Variants in KIFC1 observed in about 807,000 individuals in gnomAD.
KIFC1 encodes the protein kinesin family member C1, also known as kinesin-like protein KIFC1.
KIFC1 carries 37 observed loss-of-function variants against 66.6 expected under a neutral mutation model. That is an observed-to-expected ratio of 0.56 (90% confidence interval 0.43 to 0.73). The LOEUF is 0.73. Ranked by LOEUF, KIFC1 falls within the 30% of genes least tolerant of loss-of-function variation. The pLI is 0.00. For missense variants in KIFC1, 721 were observed against 859.8 expected (o/e 0.84, Z 2.02); for synonymous variants, 325 against 343.5 (o/e 0.95, Z 0.60).
At chr6:33,409,519 C>T in intron 10 of KIFC1, 127 bp from the exon 11 acceptor site, 2 of 931,614 alleles carry the variant, frequency 2.1e-6, no homozygotes, top group South Asian at 1.4e-5. Flanking sequence ...CAGCCTGAAC[C>T]AGCCTTTGGA....
intron 3 of KIFC1, among the ~76,000 whole-genome samples, chr6:33,402,905 T>A (rs1408244649): frequency 3.3e-5 from 5 of 152,228 alleles, no homozygotes; most frequent in Admixed American, 6.5e-5. Flanking sequence ...GAGAATCGCT[T>A]GAACCCTGGA....
chr6:33,402,332 C>T (rs1347183488), intron 3 of KIFC1, among the ~76,000 whole-genome samples: 7 of 152,164 alleles, frequency 4.6e-5, no homozygotes, highest in Non-Finnish European at 1.0e-4. Flanking sequence ...GTTGTATATG[C>T]AGTCTGTCAT....
At chr6:33,391,704 G>A (rs1035955889), upstream of KIFC1, 10 of 590,458 alleles carry the variant, frequency 1.7e-5, no homozygotes, top group South Asian at 3.9e-5. Context: ...AAGACAAGGC[G>A]CCTGTCGGGC....
Position 33,406,140 on chromosome 6 carries a change from T to C in KIFC1, c.1537-56T>C, listed in dbSNP as rs1384358667. 4 of 1,486,614 alleles carry C rather than the reference T, an allele frequency of 2.7e-6. No individual in the cohort carries two copies. The highest frequency in any genetic ancestry group is 3.6e-6 in the Non-Finnish European group (4 of 1,098,344). The allele number at this position is 1,486,614 out of a possible 1,614,324, so 92.1% of individuals were successfully genotyped here. ...GTGGGCTCTTATTCATTTCCATACATATTACTATGTACTGACTTCTGCCTG... is the reference window on the plus strand; with the variant it reads ...GTGGGCTCTTATTCATTTCCATACACATTACTATGTACTGACTTCTGCCTG... On this transcript the variant is annotated intron_variant, in intron 7 of 10. Coordinates refer to ENST00000428849, the MANE Select transcript of KIFC1 (RefSeq NM_002263.4). This position sits in a 1 kb window ranked among gnomAD's most constrained non-coding sequence, Gnocchi z 4.5.
Position 33,404,797 on chromosome 6 carries a change from T to C in KIFC1, c.757-55T>C, listed in dbSNP as rs953137825. 6.6e-7 allele frequency: 1 copy of C among 1,515,176 alleles called. No individual in the cohort carries two copies. Among genetic ancestry groups the C allele is most frequent in the Non-Finnish European group, 8.9e-7 (1 of 1,122,286 alleles). The allele number at this position is 1,515,176 out of a possible 1,614,324, so 93.9% of individuals were successfully genotyped here. On this transcript the variant is annotated intron_variant, in intron 6 of 10. Transcript: ENST00000428849. This position sits in a 1 kb window ranked among gnomAD's most constrained non-coding sequence, Gnocchi z 4.0. Reference sequence around the variant, plus strand: ...CCACTCCATACGCCCCACAGTTTGTTCTTCTTCTTGGTTGCATCTTACCCT... The same window carrying C: ...CCACTCCATACGCCCCACAGTTTGTCCTTCTTCTTGGTTGCATCTTACCCT...
chr6:33,409,372 T>C (rs1300466936), intron 10 of KIFC1, among the ~76,000 whole-genome samples: 2 of 152,180 alleles, frequency 1.3e-5, no homozygotes, highest in Non-Finnish European at 2.9e-5. Flanking sequence ...GTTGGAGGTC[T>C]CTAGTACAGG....
At chr6:33,402,343 T>C (rs1775411982) in intron 3 of KIFC1, among the ~76,000 whole-genome samples, 2 of 152,226 alleles carry the variant, frequency 1.3e-5, no homozygotes, top group South Asian at 4.1e-4. Context: ...AGTCTGTCAT[T>C]GACCGAAATG....
Position 33,406,361 on chromosome 6 carries a change from G to A in KIFC1, c.1702G>A (p.Gly568Arg). ...CCCCCTCAGTCTTGTGGACCTGGCC[G>A]GGAGTGAGCGACTTGACCCCGGCTT... Reference protein sequence around the residue: ...GAPLSLVDLAGSERLDPGLAL... With the variant: ...GAPLSLVDLARSERLDPGLAL... Residue 568 changes from glycine to arginine, a missense_variant, in exon 8 of 11, where the codon GGG becomes AGG. Gly to Arg is a moderately radical substitution (Grantham distance 125, BLOSUM62 -2). Coordinates refer to ENST00000428849, the MANE Select transcript of KIFC1 (RefSeq NM_002263.4). This position sits in a 1 kb window ranked among gnomAD's most constrained non-coding sequence, Gnocchi z 4.5. 1.2e-6 allele frequency: 2 copies of A among 1,614,066 alleles called. No homozygotes were observed. Among genetic ancestry groups the A allele is most frequent in the Non-Finnish European group, 1.7e-6 (2 of 1,179,946 alleles).
In KIFC1 at chr6:33,405,216, T is replaced by A. The variant is rs1775583493; in HGVS notation, c.1121T>A (p.Phe374Tyr). The A allele has an allele frequency of 1.9e-6, 3 of 1,614,064 alleles. No individual in the cohort carries two copies. Among genetic ancestry groups the A allele is most frequent in the African/African-American group, 1.3e-5 (1 of 74,948 alleles). Residue 374 changes from phenylalanine (F) to tyrosine (Y), a missense_variant, in exon 7 of 11, where the codon TTT (phenylalanine) becomes TAT (tyrosine). Coordinates refer to ENST00000428849, the MANE Select transcript of KIFC1 (RefSeq NM_002263.4). This position sits in a 1 kb window ranked among gnomAD's most constrained non-coding sequence, Gnocchi z 5.4. ...CCCCCAACTCGCCATGATTTTTCCT[T>A]TGACCGGGTATTCCCACCAGGAAGT... The part of the protein sequence containing the change: ...PAPPTRHDFS[F>Y]DRVFPPGSGQ...
chr6:33,404,247 C>T lies in KIFC1; in HGVS notation c.756+118C>T. On this transcript the variant is annotated intron_variant, in intron 6 of 10. Transcript: ENST00000428849. The surrounding 1 kb of genome is among the most constrained non-coding windows in gnomAD (Gnocchi z 4.0). ...AGAACTCCTGAGCACCTATCTTTAG[C>T]AGTATAGGTGCTGCTGAAGATACCT... is the stretch of plus-strand genomic sequence containing the variant. 1.1e-6 allele frequency: 1 copy of T among 942,990 alleles called. No homozygotes were observed. Among genetic ancestry groups the T allele is most frequent in the South Asian group, 1.7e-5 (1 of 60,438 alleles). 58.4% of individuals were successfully genotyped at this position (942,990 alleles called of 1,614,324 possible). A position where few individuals can be genotyped will look rare whatever the true frequency, so the allele number is the denominator to read the frequency against.
upstream of KIFC1, chr6:33,391,723 G>C (rs1350197899): frequency 1.2e-5 from 7 of 601,278 alleles, no homozygotes; most frequent in Admixed American, 5.7e-5. Context: ...GCGGGGTGTG[G>C]CTTCGGGTGG....
At chr6:33,391,667 T>A, upstream of KIFC1, 1 of 557,908 alleles carries the variant, frequency 1.8e-6, no homozygotes, top group East Asian at 3.2e-5. Flanking sequence ...TTAATCCGCC[T>A]ACCTCTCCTG....
chr6:33,404,853 G>A lies in KIFC1; in HGVS notation c.758G>A (p.Arg253Lys), dbSNP rs1372940428. The A allele has an allele frequency of 1.9e-6, 3 of 1,603,818 alleles. No individual in the cohort carries two copies. The highest frequency in any genetic ancestry group is 2.2e-5 in the East Asian group (1 of 44,734). ...TATGTTGTGTTCTCTTCTGGGCAGAGGAGGCTGCAGACATCAGAAGCAGCC... is the reference window on the plus strand; with the variant it reads ...TATGTTGTGTTCTCTTCTGGGCAGAAGAGGCTGCAGACATCAGAAGCAGCC... Reference protein sequence around the residue: ...GLMSQLEEKERRLQTSEAALS... With the variant: ...GLMSQLEEKEKRLQTSEAALS... Residue 253 changes from arginine to lysine, a missense_variant and splice_region_variant, in exon 7 of 11, where the codon AGG (arginine) becomes AAG (lysine). Transcript: ENST00000428849. The surrounding 1 kb of genome is among the most constrained non-coding windows in gnomAD (Gnocchi z 4.0).
chr6:33,391,783 C>G (rs1215807165), upstream of KIFC1: 1 of 671,114 alleles, frequency 1.5e-6, no homozygotes. Context: ...GACGATTGGT[C>G]CCTGCGTGCA....
rs1775859958 is a variant in KIFC1 at position 33,409,817 on chromosome 6, G to C, written c.*127G>C. ...GCTGGAGGGTGCTTTATTGGGTGGA[G>C]GGCACCATGTCCCAGGGCTATCAAA... On this transcript the variant is annotated 3_prime_UTR_variant, in exon 11 of 11. Coordinates refer to ENST00000428849, the MANE Select transcript of KIFC1 (RefSeq NM_002263.4). 2.1e-6 allele frequency: 2 copies of C among 955,870 alleles called. No individual in the cohort carries two copies. The highest frequency in any genetic ancestry group is 3.3e-6 in the Non-Finnish European group (2 of 613,402). 59.2% of individuals were successfully genotyped at this position (955,870 alleles called of 1,614,324 possible). A position where few individuals can be genotyped will look rare whatever the true frequency, so the allele number is the denominator to read the frequency against.
intron 1 of KIFC1, among the ~76,000 whole-genome samples, chr6:33,394,383 A>G (rs9469419): frequency 0.014 from 2,129 of 152,336 alleles, 63 homozygotes; most frequent in African/African-American, 0.045. Context: ...GGCTTGAGCA[A>G]CTGAAAGATG....
Position 33,403,184 on chromosome 6 carries a change from G to C in KIFC1, c.251-130G>C. 6.0e-6 allele frequency: 5 copies of C among 837,270 alleles called. No homozygotes were observed. Among genetic ancestry groups the C allele is most frequent in the Middle Eastern group, 3.6e-4 (1 of 2,798 alleles). The allele number at this position is 837,270 out of a possible 1,614,324, so 51.9% of individuals were successfully genotyped here. ...TATCATTAGGAGCTGGCCAGACTTA[G>C]GGATAAGGGAAGGAAGTTATCCTAT... On this transcript the variant is annotated intron_variant, in intron 3 of 10. Coordinates refer to ENST00000428849, the MANE Select transcript of KIFC1 (RefSeq NM_002263.4). The surrounding 1 kb of genome is among the most constrained non-coding windows in gnomAD (Gnocchi z 4.6).
At chr6:33,397,288 C>T (rs1465282873) in intron 1 of KIFC1, among the ~76,000 whole-genome samples, 3 of 132,842 alleles carry the variant, frequency 2.3e-5, no homozygotes, top group Non-Finnish European at 4.6e-5. Flanking sequence ...GAATTAAGTT[C>T]TAATGCCCTT....
At chr6:33,396,497 G>A (rs1307802769) in intron 1 of KIFC1, among the ~76,000 whole-genome samples, 3 of 137,350 alleles carry the variant, frequency 2.2e-5, no homozygotes, top group Non-Finnish European at 4.5e-5. Context: ...GAGTGCTGGA[G>A]TGCAGTGGCA....
Sources: allele counts gnomAD v4.1 joint callset (sites outside exome capture counted in the v4.1 genomes callset), GRCh38; gene constraint gnomAD v4.1.1; non-coding constraint Gnocchi (gnomAD v3.1); transcripts MANE v1.5; gene names NCBI Gene and HGNC (gene_info 2026-07-23, HGNC 2026-07-21).